Variants in MELTF observed in about 807,000 individuals in gnomAD.
The protein encoded by MELTF is melanotransferrin.
A neutral mutation model predicts 83.7 loss-of-function variants in MELTF; 67 were observed. That is an observed-to-expected ratio of 0.80 (90% CI 0.66 to 0.98). The LOEUF is 0.98. Ranked by LOEUF, MELTF falls within the 50% of genes least tolerant of loss-of-function variation. The pLI, the probability that MELTF is intolerant of heterozygous loss-of-function variation, is 0.00. For missense variants in MELTF, 1,002 were observed against 1,035.6 expected, an observed-to-expected ratio of 0.97 and a Z score of 0.44; for synonymous variants, 462 against 447.6, an observed-to-expected ratio of 1.03 and a Z score of -0.41.
chr3:197,010,646 T>A (rs187639587), intron 10 of MELTF, 52 bp downstream of exon 10: 3 of 1,490,612 alleles, frequency 2.0e-6, no homozygotes, highest in South Asian at 1.1e-5. Context: ...TTTATATTTA[T>A]AAAAATATCC....
At position 197,007,071 on chromosome 3, in the gene MELTF, T is replaced by A. The variant is rs1403192616; in HGVS notation, c.1751-335A>T. 6.6e-6 allele frequency among the ~76,000 whole-genome samples: 1 copy of A among 152,180 alleles called. No homozygotes were observed. Among genetic ancestry groups the A allele is most frequent in the Non-Finnish European group, 1.5e-5 (1 of 68,036 alleles). On this transcript the variant is annotated intron_variant, in intron 13 of 15. Coordinates refer to ENST00000296350, the MANE Select transcript of MELTF (RefSeq NM_005929.6). The surrounding 1 kb of genome is among the most constrained non-coding windows in gnomAD (Gnocchi z 4.3). ...ATTTTACAGGTGAGGAAACTGAGGC[T>A]GTTAATCACTCCCAGGCAGAGAACC...
rs1560207981 is a variant in MELTF, at chr3:197,003,222, G to T, written c.*150C>A. 1.1e-6 allele frequency: 1 copy of T among 879,440 alleles called. No individual in the cohort carries two copies. Among genetic ancestry groups the T allele is most frequent in the East Asian group, 1.0e-4 (1 of 9,872 alleles). The allele number at this position is 879,440 out of a possible 1,614,324, so 54.5% of individuals were successfully genotyped here. On this transcript the variant is annotated 3_prime_UTR_variant, in exon 16 of 16. Transcript: ENST00000296350. The surrounding 1 kb of genome is among the most constrained non-coding windows in gnomAD (Gnocchi z 6.2). ...GGCGCCTCAGGTAGCAGCGCCAGGT[G>T]GCGCCCGTGGGCGGCGGGGCTCCCG... is the stretch of plus-strand genomic sequence containing the variant.
At chr3:197,018,734 C>T (rs879682184) in intron 6 of MELTF, among the ~76,000 whole-genome samples, 2 of 152,220 alleles carry the variant, frequency 1.3e-5, no homozygotes, top group Non-Finnish European at 2.9e-5. Context: ...CGTGAGGCAC[C>T]GTGCCCAGCC....
chr3:197,004,140 TCAGG>T (rs1718891315), intron 14 of MELTF, 41 bp from the exon 15 acceptor site: 2 of 1,597,032 alleles, frequency 1.3e-6, no homozygotes, highest in Non-Finnish European at 8.6e-7. Context: ...CTCACTGGGC[TCAGG>T]CAGGGTCACC....
Position 197,004,017 on chromosome 3 carries a change from T to A in MELTF, c.2021A>T (p.Lys674Met). Residue 674 changes from lysine to methionine, a missense_variant, in exon 15 of 16, where the codon AAG (lysine) becomes ATG (methionine). Coordinates refer to ENST00000296350, the MANE Select transcript of MELTF (RefSeq NM_005929.6). ...SNYHGQDLLF[K>M]DATVRAVPVG... is the part of the protein sequence containing the mutation. ...AGGCACCGCCCGGACGGTGGCATCC[T>A]TGAAAAGCAGGTCTTGGCCATGATA... 6.2e-7 allele frequency: 1 copy of A among 1,614,186 alleles called. No homozygotes were observed. The highest frequency in any genetic ancestry group is 8.5e-7 in the Non-Finnish European group (1 of 1,180,010).
At chr3:197,009,982 G>T (rs1265349285) in intron 10 of MELTF, among the ~76,000 whole-genome samples, 170 bp from the exon 11 acceptor site, 1 of 152,210 alleles carries the variant, frequency 6.6e-6, no homozygotes, top group African/African-American at 2.4e-5. Context: ...CCCAGCGGGG[G>T]CCCCTGCCTG....
At chr3:197,016,511 G>C (rs1359172952) in intron 7 of MELTF, 142 bp from the exon 8 acceptor site, 6 of 683,704 alleles carry the variant, frequency 8.8e-6, no homozygotes, top group Non-Finnish European at 1.4e-5. Context: ...TCCCTCTTCT[G>C]CGGCGCCTCC....
At position 197,029,717 on chromosome 3, in the gene MELTF, TGGCTGGGGCCG is replaced by T. The variant is rs760605005; in HGVS notation, c.-26_-16del. 53 of 1,235,894 alleles carry T rather than the reference TGGCTGGGGCCG, an allele frequency of 4.3e-5. No homozygotes were observed. The highest frequency in any genetic ancestry group is 5.4e-5 in the Non-Finnish European group (53 of 990,270). 76.6% of individuals were successfully genotyped at this position (1,235,894 alleles called of 1,614,324 possible). A position where few individuals can be genotyped will look rare whatever the true frequency, so the allele number is the denominator to read the frequency against. On this transcript the variant is annotated 5_prime_UTR_variant, in exon 1 of 16. Transcript: ENST00000296350. The surrounding 1 kb of genome is among the most constrained non-coding windows in gnomAD (Gnocchi z 6.5). Reference sequence around the variant, plus strand: ...GGACCCCGCATGGCGCCGTCGGGGCTGGCTGGGGCCGGGCTGGGGCTGGGTCCGGGTCCGAG... The same window carrying T: ...GGACCCCGCATGGCGCCGTCGGGGCTGGCTGGGGCTGGGTCCGGGTCCGAG...
intron 9 of MELTF, among the ~76,000 whole-genome samples, chr3:197,014,769 C>T (rs1383733677): frequency 6.6e-6 from 1 of 152,122 alleles, no homozygotes; most frequent in African/African-American, 2.4e-5. Flanking sequence ...TAGTTTCAAA[C>T]AGGTAGGACG....
chr3:197,027,966 C>T (rs893837281), intron 1 of MELTF, 56 bp from the exon 2 acceptor site: 1 of 1,505,750 alleles, frequency 6.6e-7, no homozygotes, highest in South Asian at 1.2e-5. Context: ...CCCCGGCCCA[C>T]CATGGAGGGT....
intron 6 of MELTF, chr3:197,019,504 G>A (rs1719532090): frequency 6.7e-7 from 1 of 1,502,702 alleles, no homozygotes; most frequent in Non-Finnish European, 8.9e-7. Context: ...TCAGGAGGCT[G>A]AGATGCGAGG....
chr3:197,008,887 C>A lies in MELTF; in HGVS notation c.1604G>T (p.Cys535Phe). The part of the protein sequence containing the change: ...KNYPSSLCAL[C>F]VGDEQGRNKC... ...GTTGCGGCCCTGCTCGTCCCCCACGCACAGTGCACACAGCGAGGAGGGGTA... is the reference window on the plus strand; with the variant it reads ...GTTGCGGCCCTGCTCGTCCCCCACGAACAGTGCACACAGCGAGGAGGGGTA... Residue 535 changes from cysteine to phenylalanine, a missense_variant, in exon 12 of 16, where the codon TGC becomes TTC. Coordinates refer to ENST00000296350, the MANE Select transcript of MELTF (RefSeq NM_005929.6). This position sits in a 1 kb window ranked among gnomAD's most constrained non-coding sequence, Gnocchi z 5.4. 3 of 1,614,184 alleles carry A rather than the reference C, an allele frequency of 1.9e-6. No homozygotes were observed. The highest frequency in any genetic ancestry group is 2.5e-6 in the Non-Finnish European group (3 of 1,180,032).
At chr3:197,005,444 G>A (rs1357668656) in intron 14 of MELTF, among the ~76,000 whole-genome samples, 2 of 152,238 alleles carry the variant, frequency 1.3e-5, no homozygotes, top group African/African-American at 4.8e-5. Context: ...AAATTTAGAA[G>A]CCATCTGTAT....
rs1016706226 is a variant in MELTF, at chr3:197,003,253, G to C, written c.*119C>G. ...CGTGGGCGGCGGGGCTCCCGGGGAGGCGCCTGCTCCCGCCCACGCCGGGCC... is the reference window on the plus strand; with the variant it reads ...CGTGGGCGGCGGGGCTCCCGGGGAGCCGCCTGCTCCCGCCCACGCCGGGCC... On this transcript the variant is annotated 3_prime_UTR_variant, in exon 16 of 16. Transcript: ENST00000296350. This position sits in a 1 kb window ranked among gnomAD's most constrained non-coding sequence, Gnocchi z 6.2. 2 of 1,009,724 alleles carry C rather than the reference G, an allele frequency of 2.0e-6. No homozygotes were observed. Among genetic ancestry groups the C allele is most frequent in the Non-Finnish European group, 2.4e-6 (2 of 844,456 alleles). The allele number at this position is 1,009,724 out of a possible 1,614,324, so 62.5% of individuals were successfully genotyped here.
In MELTF at chr3:197,022,966, C is replaced by T; in HGVS notation, c.635G>A (p.Gly212Glu). The T allele has an allele frequency of 1.2e-6, 2 of 1,609,464 alleles. No individual in the cohort carries two copies. Among genetic ancestry groups the T allele is most frequent in the Non-Finnish European group, 1.7e-6 (2 of 1,178,630 alleles). Residue 212 changes from glycine (G) to glutamate (E), a missense_variant, in exon 5 of 16, where the codon GGG becomes GAG. Gly to Glu is a moderately conservative substitution (Grantham distance 98). Coordinates refer to ENST00000296350, the MANE Select transcript of MELTF (RefSeq NM_005929.6). This position sits in a 1 kb window ranked among gnomAD's most constrained non-coding sequence, Gnocchi z 5.1. ...CCCCCACTCCGCTCACCGGAAGGCC[C>T]CGCTGTAGTCGTAGTATCTCTCCAG... ...SPLERYYDYS[G>E]AFRCLAEGAG...
intron 7 of MELTF, among the ~76,000 whole-genome samples, chr3:197,016,738 G>T (rs1198285511): frequency 6.6e-6 from 1 of 152,278 alleles, no homozygotes; most frequent in Non-Finnish European, 1.5e-5. Context: ...GTCACAAGCG[G>T]CGGTTTTAGC....
chr3:197,024,433 C>T lies in MELTF; in HGVS notation c.357G>A (p.Val119=). ...TCACGCCTTTCAGGGTGTCAATGGT[C>T]ACATGGGAGCTCCTCCTGACCACAG... ...AVAVVRRSSH[V]TIDTLKGVKS... Residue 119 remains valine, a synonymous_variant, in exon 4 of 16, where the codon GTG becomes GTA. Coordinates refer to ENST00000296350, the MANE Select transcript of MELTF (RefSeq NM_005929.6). The surrounding 1 kb of genome is among the most constrained non-coding windows in gnomAD (Gnocchi z 5.3). 1.2e-6 allele frequency: 2 copies of T among 1,608,890 alleles called. No homozygotes were observed. The highest frequency in any genetic ancestry group is 1.1e-5 in the South Asian group (1 of 90,806).
In MELTF at chr3:197,029,252, AGT is replaced by A; in HGVS notation, c.49+400_49+401del. 6.0e-6 allele frequency: 1 copy of A among 167,324 alleles called. No individual in the cohort carries two copies. The allele number at this position is 167,324 out of a possible 1,614,324, so 10.4% of individuals were successfully genotyped here. A position where few individuals can be genotyped will look rare whatever the true frequency, so the allele number is the denominator to read the frequency against. On this transcript the variant is annotated intron_variant, in intron 1 of 15. Transcript: ENST00000296350. The surrounding 1 kb of genome is among the most constrained non-coding windows in gnomAD (Gnocchi z 6.5). The stretch of plus-strand genomic sequence containing the variant: ...GGGCGGACTCCCGCGCCTGCCGGTC[AGT>A]CCCTCTGAATCTTCTCCCGCGGGGG...
chr3:197,026,893 G>T, intron 2 of MELTF, 134 bp from the exon 3 acceptor site: 1 of 674,488 alleles, frequency 1.5e-6, no homozygotes, highest in Admixed American at 2.4e-5. Flanking sequence ...TCTGTCCCAG[G>T]AGCCCAACCA....
Sources: gnomAD v4.1 joint callset for allele counts (sites outside exome capture counted in the v4.1 genomes callset) on GRCh38, gnomAD v4.1.1 for gene constraint, Gnocchi (gnomAD v3.1) non-coding constraint, MANE v1.5 for transcripts, NCBI Gene and HGNC (gene_info 2026-07-23, HGNC 2026-07-21) for gene names.